Variants in PLCXD3 observed in about 807,000 individuals in gnomAD.
The protein encoded by PLCXD3 is PI-PLC X domain-containing protein 3.
A neutral mutation model predicts 25.5 loss-of-function variants in PLCXD3; 19 were observed. That is an observed-to-expected ratio of 0.75 (90% CI 0.52 to 1.09). PLCXD3 has a LOEUF of 1.09. PLCXD3 is among the 50% of genes least tolerant of loss of function. The pLI is 0.00. For missense variants in PLCXD3, 411 were observed against 388.1 expected (o/e 1.06, Z -0.50); for synonymous variants, 174 against 137.6 (o/e 1.26, Z -1.85).
intron 1 of PLCXD3, among the ~76,000 whole-genome samples, chr5:41,408,303 T>G (rs1243843433): frequency 6.6e-6 from 1 of 152,188 alleles, no homozygotes; most frequent in Non-Finnish European, 1.5e-5. Flanking sequence ...ACAGACATCT[T>G]CTTGCTCATC....
intron 2 of PLCXD3, among the ~76,000 whole-genome samples, chr5:41,315,653 G>A (rs1029472065): frequency 6.6e-6 from 1 of 152,160 alleles, no homozygotes; most frequent in Non-Finnish European, 1.5e-5. Flanking sequence ...TGCCACAGAA[G>A]AAATAGAAAA....
intron 2 of PLCXD3, among the ~76,000 whole-genome samples, chr5:41,345,014 C>A (rs1744260096): frequency 6.6e-6 from 1 of 152,104 alleles, no homozygotes; most frequent in African/African-American, 2.4e-5. Flanking sequence ...TAATTACAAA[C>A]TGGTTCTATA....
At chr5:41,335,961 T>G (rs925916852) in intron 2 of PLCXD3, among the ~76,000 whole-genome samples, 10 of 152,138 alleles carry the variant, frequency 6.6e-5, no homozygotes, top group Non-Finnish European at 1.0e-4. Flanking sequence ...CCGTGGACTC[T>G]CACAAATTCA....
chr5:41,399,026 C>CA (rs560278633), intron 1 of PLCXD3, among the ~76,000 whole-genome samples: 59 of 149,906 alleles, frequency 3.9e-4, no homozygotes, highest in African/African-American at 1.2e-3. Flanking sequence ...AATCAACATA[C>CA]AAAAAAAAAG....
rs1352703928 is a variant in PLCXD3 at position 41,312,880 on chromosome 5, G to T, written c.*737C>A. Reference sequence around the variant, plus strand: ...ATTTAAGAGATTGCCAAATTAAAATGCCATACATCTCTTTCACCCCTCAAC... The same window carrying T: ...ATTTAAGAGATTGCCAAATTAAAATTCCATACATCTCTTTCACCCCTCAAC... On this transcript the variant is annotated 3_prime_UTR_variant, in exon 3 of 3. Coordinates refer to ENST00000377801, the MANE Select transcript of PLCXD3 (RefSeq NM_001005473.3). 6.6e-6 allele frequency: 1 copy of T among 152,510 alleles called. No individual in the cohort carries two copies. The highest frequency in any genetic ancestry group is 1.5e-5 in the Non-Finnish European group (1 of 68,014). 9.4% of individuals were successfully genotyped at this position (152,510 alleles called of 1,614,324 possible).
chr5:41,405,437 T>C (rs970143102), intron 1 of PLCXD3, among the ~76,000 whole-genome samples: 1 of 152,132 alleles, frequency 6.6e-6, no homozygotes, highest in African/African-American at 2.4e-5. Flanking sequence ...CCTCCTCCTA[T>C]CAAGTAATAA....
intron 1 of PLCXD3, chr5:41,475,839 A>G (rs1748271945): frequency 2.2e-6 from 1 of 457,096 alleles, no homozygotes; most frequent in South Asian, 1.7e-5. Flanking sequence ...CATAGAAATG[A>G]AAACTTAAGA....
chr5:41,446,270 G>C (rs1747501904), intron 1 of PLCXD3, among the ~76,000 whole-genome samples: 1 of 150,528 alleles, frequency 6.6e-6, no homozygotes, highest in South Asian at 2.1e-4. Context: ...TTGTTGCTTG[G>C]CTCCTTCCTA....
At chr5:41,393,108 T>G (rs1171320724) in intron 1 of PLCXD3, among the ~76,000 whole-genome samples, 2 of 152,038 alleles carry the variant, frequency 1.3e-5, no homozygotes, top group Non-Finnish European at 2.9e-5. Context: ...TTGTTGACCT[T>G]GAAGAGAAAG....
chr5:41,435,452 C>T (rs1484399027), intron 1 of PLCXD3, among the ~76,000 whole-genome samples: 5 of 152,170 alleles, frequency 3.3e-5, no homozygotes, highest in African/African-American at 7.2e-5. Context: ...GTTCACGGAG[C>T]ACCACCCACA....
chr5:41,481,491 A>C (rs549723159), intron 1 of PLCXD3, among the ~76,000 whole-genome samples: 2 of 152,350 alleles, frequency 1.3e-5, no homozygotes, highest in African/African-American at 4.8e-5. Context: ...TTATCTTTTC[A>C]TCACCTCTGA....
chr5:41,475,649 C>T (rs1456925980), intron 1 of PLCXD3: 3 of 534,752 alleles, frequency 5.6e-6, no homozygotes, highest in Admixed American at 1.9e-5. Flanking sequence ...CTGTTTGTCC[C>T]TGTTCAGGCG....
intron 2 of PLCXD3, among the ~76,000 whole-genome samples, chr5:41,377,814 T>C (rs1219060384): frequency 1.3e-5 from 2 of 152,050 alleles, no homozygotes; most frequent in African/African-American, 2.4e-5. Context: ...ATTTTAAAAA[T>C]TGTAGAGAAA....
At chr5:41,406,047 C>T (rs755579235) in intron 1 of PLCXD3, among the ~76,000 whole-genome samples, 49 of 152,152 alleles carry the variant, frequency 3.2e-4, no homozygotes, top group Non-Finnish European at 6.5e-4. Context: ...GAATCCTGCA[C>T]AGCCTTTCTG....
At chr5:41,367,472 C>A (rs1366611736) in intron 2 of PLCXD3, among the ~76,000 whole-genome samples, 1 of 151,910 alleles carries the variant, frequency 6.6e-6, no homozygotes, top group East Asian at 1.9e-4. Context: ...ATGTCCTTTG[C>A]CAGCTTTTTA....
intron 1 of PLCXD3, among the ~76,000 whole-genome samples, chr5:41,390,256 A>G (rs1299775539): frequency 6.6e-6 from 1 of 152,116 alleles, no homozygotes; most frequent in Non-Finnish European, 1.5e-5. Flanking sequence ...AATTAATTTA[A>G]CCATTCATTT....
intron 1 of PLCXD3, among the ~76,000 whole-genome samples, chr5:41,405,540 C>A (rs572986126): frequency 4.6e-5 from 7 of 152,198 alleles, no homozygotes; most frequent in African/African-American, 1.7e-4. Flanking sequence ...CTCTCATGTA[C>A]ACACACTTGA....
At chr5:41,507,878 T>C (rs1416188970) in intron 1 of PLCXD3, among the ~76,000 whole-genome samples, 1 of 152,254 alleles carries the variant, frequency 6.6e-6, no homozygotes, top group Non-Finnish European at 1.5e-5. Context: ...AATTATTCCA[T>C]TAGTGTTTAA....
chr5:41,354,310 G>A (rs1285541742), intron 2 of PLCXD3, among the ~76,000 whole-genome samples: 1 of 152,136 alleles, frequency 6.6e-6, no homozygotes, highest in Non-Finnish European at 1.5e-5. Flanking sequence ...AAACCTCTCA[G>A]AGTCTTCATA....
Sources: allele counts gnomAD v4.1 joint callset (sites outside exome capture counted in the v4.1 genomes callset), GRCh38; gene constraint gnomAD v4.1.1; transcripts MANE v1.5; gene names NCBI Gene and HGNC (gene_info 2026-07-23, HGNC 2026-07-21).